Variants in SRPK2 observed in about 807,000 individuals in gnomAD.
SRPK2 encodes SRSF protein kinase 2.
In SRPK2, 21 loss-of-function variants were observed where a neutral mutation model predicts 90.8. The ratio of observed to expected loss-of-function variants is 0.23; its 90% confidence interval spans 0.16 to 0.33. The LOEUF is 0.33. Ranked by LOEUF, SRPK2 falls within the 10% of genes least tolerant of loss-of-function variation. SRPK2 has a pLI of 1.00. For synonymous variants in SRPK2, 288 were observed against 311.1 expected (o/e 0.93, Z 0.78); for missense variants, 620 against 869.0 (o/e 0.71, Z 3.60).
chr7:105,398,406 G>A (rs1347554465), intron 1 of SRPK2, among the ~76,000 whole-genome samples: 3 of 144,794 alleles, frequency 2.1e-5, no homozygotes, highest in South Asian at 2.2e-4. Context: ...TTTTTGAGAC[G>A]GAGTTTTGCT....
At chr7:105,126,005 C>G in intron 15 of SRPK2, 1 of 643,342 alleles carries the variant, frequency 1.6e-6, no homozygotes, top group Admixed American at 2.8e-5. Flanking sequence ...TACAGGCCTT[C>G]CTCGCGTTGC....
At chr7:105,290,180 C>T (rs1808769175) in intron 2 of SRPK2, among the ~76,000 whole-genome samples, 1 of 133,898 alleles carries the variant, frequency 7.5e-6, no homozygotes. Context: ...CAAACTAACA[C>T]AGAGACACAG....
At chr7:105,188,338 G>C (rs1178591370) in intron 3 of SRPK2, among the ~76,000 whole-genome samples, 1 of 151,386 alleles carries the variant, frequency 6.6e-6, no homozygotes, top group African/African-American at 2.5e-5. Context: ...GAGGGGAGGA[G>C]AATAGGGACT....
chr7:105,121,618 C>A (rs1562951084), intron 15 of SRPK2, among the ~76,000 whole-genome samples: 1 of 152,124 alleles, frequency 6.6e-6, no homozygotes, highest in Non-Finnish European at 1.5e-5. Context: ...TCCCCAAGAG[C>A]CCCTTAGGCT....
intron 10 of SRPK2, 22 bp downstream of exon 10, chr7:105,143,062 C>T: frequency 6.2e-7 from 1 of 1,607,694 alleles, no homozygotes; most frequent in South Asian, 1.1e-5. Context: ...CCCATGCAGC[C>T]CAGGTTCCAG....
chr7:105,297,737 ATTTTTTTTTT>A (rs202204947), intron 2 of SRPK2, among the ~76,000 whole-genome samples: 2 of 120,098 alleles, frequency 1.7e-5, no homozygotes, highest in African/African-American at 6.4e-5. Flanking sequence ...TAAGCTGTAA[ATTTTTTTTTT>A]TTTTTTTTTT....
In SRPK2 at chr7:105,126,314, G is replaced by A; in HGVS notation, c.1849C>T (p.Leu617=). Residue 617 remains leucine, a synonymous_variant, in exon 15 of 16, where the codon CTA becomes TTA. Transcript: ENST00000393651. ...EDHIAHIIEL[L]GSIPRHFALS... ...GCAAAGTGCCTTGGAATACTGCCTA[G>A]CAGCTCTATGATGTGGGCTATGTGG... is the stretch of plus-strand genomic sequence containing the variant. 1 of 1,614,056 alleles carries A rather than the reference G, an allele frequency of 6.2e-7. No individual in the cohort carries two copies.
At chr7:105,156,441 T>C (rs1408762295) in intron 7 of SRPK2, among the ~76,000 whole-genome samples, 1 of 152,206 alleles carries the variant, frequency 6.6e-6, no homozygotes, top group East Asian at 1.9e-4. Flanking sequence ...TTTGCTACTA[T>C]TAGCATTACT....
intron 15 of SRPK2, among the ~76,000 whole-genome samples, chr7:105,118,415 C>G (rs1208002291): frequency 6.6e-6 from 1 of 152,136 alleles, no homozygotes; most frequent in African/African-American, 2.4e-5. Context: ...CCATTCATGT[C>G]TACGCATTTG....
At chr7:105,382,369 G>C (rs1821047777) in intron 2 of SRPK2, among the ~76,000 whole-genome samples, 1 of 150,806 alleles carries the variant, frequency 6.6e-6, no homozygotes, top group Non-Finnish European at 1.5e-5. Flanking sequence ...CCTGACCAAA[G>C]TGGAGAAACC....
intron 3 of SRPK2, among the ~76,000 whole-genome samples, chr7:105,186,144 T>C (rs1378301985): frequency 6.6e-6 from 1 of 152,232 alleles, no homozygotes; most frequent in Non-Finnish European, 1.5e-5. Context: ...TTTCTATGAA[T>C]GTTGTATCAT....
intron 2 of SRPK2, among the ~76,000 whole-genome samples, chr7:105,344,073 A>G (rs934917189): frequency 9.2e-5 from 14 of 152,008 alleles, no homozygotes; most frequent in African/African-American, 3.1e-4. Context: ...CTACAATGTC[A>G]TATCATTCTA....
intron 1 of SRPK2, among the ~76,000 whole-genome samples, chr7:105,395,676 G>A (rs1440708834): frequency 1.3e-5 from 2 of 152,070 alleles, no homozygotes; most frequent in African/African-American, 4.8e-5. Context: ...GTTGCAGTGA[G>A]CCGAGATTGC....
At chr7:105,115,246 T>G (rs993822154), downstream of SRPK2, 6 of 152,226 alleles carry the variant, frequency 3.9e-5, no homozygotes, top group Non-Finnish European at 8.8e-5. Context: ...GGATAGAAAC[T>G]GAAGAAGTTC....
intron 3 of SRPK2, among the ~76,000 whole-genome samples, chr7:105,187,201 C>T (rs1793694760): frequency 6.6e-6 from 1 of 152,214 alleles, no homozygotes; most frequent in African/African-American, 2.4e-5. Context: ...ACCTCCTCCT[C>T]GGTTCTGCAG....
intron 2 of SRPK2, among the ~76,000 whole-genome samples, chr7:105,302,453 G>C (rs1441042879): frequency 1.3e-5 from 2 of 152,154 alleles, no homozygotes; most frequent in African/African-American, 2.4e-5. Context: ...TCCTGGTGGA[G>C]CCAAGTACTC....
intron 2 of SRPK2, among the ~76,000 whole-genome samples, chr7:105,345,859 G>A (rs1484118518): frequency 6.6e-6 from 1 of 152,206 alleles, no homozygotes; most frequent in East Asian, 1.9e-4. Context: ...CGGTTCCTCA[G>A]TCACACTAGT....
intron 2 of SRPK2, among the ~76,000 whole-genome samples, chr7:105,211,369 A>G (rs1796835859): frequency 6.6e-6 from 1 of 152,092 alleles, no homozygotes. Context: ...GTGCATTGCT[A>G]TAAGGAAATA....
chr7:105,143,065 G>C lies in SRPK2; in HGVS notation c.1060+19C>G. ...AGCTCTGAGAACCCCATGCAGCCCA[G>C]GTTCCAGGCCCCACTGACCATTGTC... is the stretch of plus-strand genomic sequence containing the variant. On this transcript the variant is annotated intron_variant, in intron 10 of 15. Coordinates refer to ENST00000393651, the MANE Select transcript of SRPK2 (RefSeq NM_182692.3). The C allele has an allele frequency of 1.9e-6, 3 of 1,608,058 alleles. No individual in the cohort carries two copies. The highest frequency in any genetic ancestry group is 1.3e-5 in the African/African-American group (1 of 74,844).
Sources: allele counts gnomAD v4.1 joint callset (sites outside exome capture counted in the v4.1 genomes callset), GRCh38; gene constraint gnomAD v4.1.1; transcripts MANE v1.5; gene names NCBI Gene and HGNC (gene_info 2026-07-23, HGNC 2026-07-21).